SEPTIN10: variants seen among roughly 807,000 people sequenced by gnomAD.
SEPTIN10 encodes the protein septin-10.
In SEPTIN10, 66 loss-of-function variants were observed where a neutral mutation model predicts 54.8. The observed-to-expected ratio is 1.21, with a 90% CI of 0.99 to 1.48. The LOEUF (loss-of-function observed/expected upper bound fraction) is 1.48. Among genes scored for constraint, SEPTIN10 ranks in the 40% most tolerant of loss-of-function variants. SEPTIN10 has a pLI of 0.00. For synonymous variants in SEPTIN10, 161 were observed against 181.0 expected (o/e 0.89, Z 0.89); for missense variants, 620 against 545.6 (o/e 1.14, Z -1.36).
At chr2:109,553,620 AG>A (rs1683631337) in intron 8 of SEPTIN10, among the ~76,000 whole-genome samples, 1 of 151,670 alleles carries the variant, frequency 6.6e-6, no homozygotes, top group Non-Finnish European at 1.5e-5. Flanking sequence ...TGGGAGGCTG[AG>A]GTGGGCAGAT....
At chr2:109,594,697 C>A (rs1477699070) in intron 1 of SEPTIN10, 3 of 152,268 alleles carry the variant, frequency 2.0e-5, no homozygotes, top group Non-Finnish European at 4.4e-5. Context: ...CACCGTGATC[C>A]TCTGTGCGGG....
At chr2:109,544,355 CA>C (rs759831349) in intron 10 of SEPTIN10, 31 bp from the exon 11 acceptor site, 1 of 1,553,970 alleles carries the variant, frequency 6.4e-7, no homozygotes, top group South Asian at 1.2e-5. Flanking sequence ...TTGATTGGTA[CA>C]ATTTAAAAAA....
chr2:109,613,649 G>T, intron 1 of SEPTIN10, 149 bp downstream of exon 1: 1 of 504,906 alleles, frequency 2.0e-6, no homozygotes, highest in Non-Finnish European at 2.9e-6. Context: ...CCCGGCCGCC[G>T]CGGAAGCCGG....
intron 9 of SEPTIN10, among the ~76,000 whole-genome samples, chr2:109,547,643 T>A (rs1220573976): frequency 6.6e-6 from 1 of 152,122 alleles, no homozygotes; most frequent in Non-Finnish European, 1.5e-5. Context: ...GTTCCACAAT[T>A]TAAGGAATGC....
chr2:109,608,059 T>A (rs759746605), intron 1 of SEPTIN10, among the ~76,000 whole-genome samples: 1 of 152,248 alleles, frequency 6.6e-6, no homozygotes, highest in Non-Finnish European at 1.5e-5. Flanking sequence ...ACATTTCTCA[T>A]CTATACACAT....
chr2:109,598,793 C>T (rs1361523494), intron 1 of SEPTIN10, among the ~76,000 whole-genome samples: 1 of 151,908 alleles, frequency 6.6e-6, no homozygotes, highest in Non-Finnish European at 1.5e-5. Flanking sequence ...GGCAGGAGAA[C>T]TGCTTGAACC....
chr2:109,595,102 G>T (rs1558866833), intron 1 of SEPTIN10: 1 of 152,142 alleles, frequency 6.6e-6, no homozygotes, highest in Non-Finnish European at 1.5e-5. Flanking sequence ...GGCCGGGGTG[G>T]TCTCAAACTC....
chr2:109,604,680 T>C (rs1159559497), intron 1 of SEPTIN10, among the ~76,000 whole-genome samples: 1 of 143,952 alleles, frequency 6.9e-6, no homozygotes, highest in Non-Finnish European at 1.5e-5. Flanking sequence ...TGAGCCAAGA[T>C]TGAGCCACTC....
At chr2:109,599,130 G>C (rs973066399) in intron 1 of SEPTIN10, among the ~76,000 whole-genome samples, 3 of 151,970 alleles carry the variant, frequency 2.0e-5, no homozygotes, top group Admixed American at 6.6e-5. Context: ...CACACTGCTA[G>C]AAGTGGATGC....
chr2:109,600,937 G>C (rs1157640705), intron 1 of SEPTIN10, among the ~76,000 whole-genome samples: 1 of 152,218 alleles, frequency 6.6e-6, no homozygotes, highest in East Asian at 1.9e-4. Flanking sequence ...CAGATAAAGA[G>C]ATACAAAGCT....
intron 1 of SEPTIN10, among the ~76,000 whole-genome samples, chr2:109,607,562 C>A (rs879548137): frequency 6.6e-6 from 1 of 152,116 alleles, no homozygotes; most frequent in Non-Finnish European, 1.5e-5. Flanking sequence ...TTCTTTAGTA[C>A]TGGATTCCTC....
At chr2:109,587,924 A>C (rs553135835) in intron 2 of SEPTIN10, among the ~76,000 whole-genome samples, 3 of 151,492 alleles carry the variant, frequency 2.0e-5, no homozygotes, top group Non-Finnish European at 4.4e-5. Context: ...AAAAAAAAAA[A>C]CAAAAACAAA....
chr2:109,606,671 G>GTTT (rs1483505979), intron 1 of SEPTIN10, among the ~76,000 whole-genome samples: 8 of 95,220 alleles, frequency 8.4e-5, no homozygotes, highest in African/African-American at 2.9e-4. Flanking sequence ...AAAATTTTAA[G>GTTT]CTTTTTTTTT....
In SEPTIN10 at chr2:109,586,012, C is replaced by A. The variant is rs570207431; in HGVS notation, c.100-174G>T. Among the ~76,000 whole-genome samples, 10 of 152,242 alleles carry A rather than the reference C, an allele frequency of 6.6e-5. No individual in the cohort carries two copies. The East Asian group carries it at 1.9e-3, about 29-fold the overall frequency. ...AATTTTCAGGAAAAGAAACCTGTGT[C>A]CAGATCCTCAAAACATACATTTCTT... On this transcript the variant is annotated intron_variant, in intron 2 of 10. Transcript: ENST00000397712.
intron 8 of SEPTIN10, among the ~76,000 whole-genome samples, chr2:109,561,941 G>A (rs1685737276): frequency 6.6e-6 from 1 of 152,102 alleles, no homozygotes; most frequent in Non-Finnish European, 1.5e-5. Flanking sequence ...TGTATTTTTA[G>A]TAGAGATGGG....
chr2:109,605,677 A>G (rs184468852), intron 1 of SEPTIN10: 3 of 152,342 alleles, frequency 2.0e-5, no homozygotes, highest in Admixed American at 2.0e-4. Flanking sequence ...ATATGCAAAT[A>G]CAAAACAAAA....
chr2:109,582,452 T>C (rs1691416829), intron 4 of SEPTIN10, among the ~76,000 whole-genome samples: 1 of 152,122 alleles, frequency 6.6e-6, no homozygotes, highest in East Asian at 1.9e-4. Flanking sequence ...CCCGAGTAGC[T>C]GGCAGTATAG....
chr2:109,596,388 T>C lies in SEPTIN10; in HGVS notation c.31-3269A>G, dbSNP rs532119385. Among the ~76,000 whole-genome samples, 24 of 152,050 alleles carry C rather than the reference T, an allele frequency of 1.6e-4. No homozygotes were observed. The East Asian group carries it at 2.7e-3, about 17-fold the overall frequency. ...ATTCCAGCAGTTTGGGAGGCCGAGG[T>C]GGGTGGATCATGAGGTCAGGAGATC... is the stretch of plus-strand genomic sequence containing the variant. On this transcript the variant is annotated intron_variant, in intron 1 of 10. Coordinates refer to ENST00000397712, the MANE Select transcript of SEPTIN10 (RefSeq NM_144710.5).
At chr2:109,597,347 T>C (rs1695535408) in intron 1 of SEPTIN10, among the ~76,000 whole-genome samples, 1 of 152,130 alleles carries the variant, frequency 6.6e-6, no homozygotes, top group Admixed American at 6.5e-5. Context: ...AAACACTAAA[T>C]TAGAAAAAAA....
Sources: gnomAD v4.1 joint callset for allele counts (sites outside exome capture counted in the v4.1 genomes callset) on GRCh38, gnomAD v4.1.1 for gene constraint, MANE v1.5 for transcripts, NCBI Gene and HGNC (gene_info 2026-07-23, HGNC 2026-07-21) for gene names.